The following GPC6 variants were observed in gnomAD, a reference collection of about 807,000 sequenced individuals.
GPC6 encodes glypican-6.
GPC6 carries 14 observed loss-of-function variants against 55.2 expected under a neutral mutation model. The ratio of observed to expected loss-of-function variants is 0.25; its 90% CI spans 0.17 to 0.40. The LOEUF is 0.40. Ranked by LOEUF, GPC6 falls within the 10% of genes least tolerant of loss-of-function variation. The pLI, the probability that GPC6 is intolerant of heterozygous loss-of-function variation, is 1.00. For synonymous variants in GPC6, 278 were observed against 259.6 expected, an observed-to-expected ratio of 1.07 and a Z score of -0.68; for missense variants, 641 against 708.5, an observed-to-expected ratio of 0.90 and a Z score of 1.08.
intron 3 of GPC6, among the ~76,000 whole-genome samples, chr13:94,001,048 CAGGCATATTACCT>C (rs1379043266): frequency 6.6e-6 from 1 of 152,166 alleles, no homozygotes; most frequent in African/African-American, 2.4e-5. Flanking sequence ...GGCCTTAAAA[CAGGCATATTACCT>C]AGCTTAAAAG....
intron 2 of GPC6, among the ~76,000 whole-genome samples, chr13:93,597,325 C>G (rs1877805145): frequency 6.6e-6 from 1 of 152,152 alleles, no homozygotes; most frequent in Admixed American, 6.5e-5. Flanking sequence ...TAGTGAATGC[C>G]ACAGATAAAA....
chr13:94,400,036 A>C (rs891470687), intron 8 of GPC6, among the ~76,000 whole-genome samples: 1 of 152,210 alleles, frequency 6.6e-6, no homozygotes, highest in South Asian at 2.1e-4. Context: ...CTCTGACCTA[A>C]AGAGGTTATG....
rs561893119 is a variant in GPC6 at position 94,139,370 on chromosome 13, C to G, written c.877+111476C>G. Reference sequence around the variant, plus strand: ...AACTACAAAGAACATACAGGCATAACTATAGTATTTGTCCTGTATTAATAT... The same window carrying G: ...AACTACAAAGAACATACAGGCATAAGTATAGTATTTGTCCTGTATTAATAT... On this transcript the variant is annotated intron_variant, in intron 4 of 8. Coordinates refer to ENST00000377047, the MANE Select transcript of GPC6 (RefSeq NM_005708.5). 7.2e-5 allele frequency among the ~76,000 whole-genome samples: 11 copies of G among 152,292 alleles called. No homozygotes were observed. The South Asian group carries it at 1.4e-3, about 20-fold the overall frequency.
At chr13:93,304,069 T>C (rs1878774322) in intron 1 of GPC6, among the ~76,000 whole-genome samples, 1 of 152,022 alleles carries the variant, frequency 6.6e-6, no homozygotes, top group African/African-American at 2.4e-5. Context: ...GATTTCACCA[T>C]GTTGGCCAGG....
intron 4 of GPC6, among the ~76,000 whole-genome samples, chr13:94,186,265 G>C (rs149599795): frequency 6.6e-6 from 1 of 151,982 alleles, no homozygotes; most frequent in Non-Finnish European, 1.5e-5. Flanking sequence ...GTTGGATTTC[G>C]GCATGATTTT....
chr13:93,678,424 C>T (rs1881726812), intron 2 of GPC6, among the ~76,000 whole-genome samples: 1 of 152,154 alleles, frequency 6.6e-6, no homozygotes, highest in South Asian at 2.1e-4. Context: ...ATTCCTAACA[C>T]ATTTTTAGTA....
chr13:93,346,028 G>C (rs1334926551), intron 1 of GPC6, among the ~76,000 whole-genome samples: 1 of 152,128 alleles, frequency 6.6e-6, no homozygotes, highest in Non-Finnish European at 1.5e-5. Context: ...ATTGAAAGCT[G>C]CTGGACTACT....
intron 2 of GPC6, among the ~76,000 whole-genome samples, chr13:93,750,876 GA>G (rs1233279612): frequency 1.3e-5 from 2 of 152,270 alleles, no homozygotes; most frequent in Admixed American, 6.5e-5. Context: ...AACAGAAGTT[GA>G]GCCTGTGGGA....
chr13:93,326,174 T>C (rs1355012536), intron 1 of GPC6, among the ~76,000 whole-genome samples: 1 of 152,058 alleles, frequency 6.6e-6, no homozygotes, highest in Non-Finnish European at 1.5e-5. Flanking sequence ...TAGATGACAT[T>C]GGGTTTTGGA....
intron 5 of GPC6, among the ~76,000 whole-genome samples, chr13:94,300,529 C>A (rs1875593472): frequency 1.3e-5 from 2 of 152,154 alleles, no homozygotes; most frequent in Non-Finnish European, 2.9e-5. Flanking sequence ...AGAATGCCAA[C>A]AGACTTCTGA....
intron 1 of GPC6, among the ~76,000 whole-genome samples, chr13:93,473,312 C>T (rs1473010265): frequency 6.6e-6 from 1 of 152,208 alleles, no homozygotes; most frequent in Non-Finnish European, 1.5e-5. Context: ...CTCTTTGGTG[C>T]CCAAAGTATG....
intron 3 of GPC6, among the ~76,000 whole-genome samples, chr13:94,007,283 A>C (rs780705217): frequency 1.6e-4 from 24 of 152,210 alleles, no homozygotes; most frequent in Non-Finnish European, 3.2e-4. Context: ...ACACATATTT[A>C]TTTATCCCTT....
At chr13:93,491,842 G>A (rs71429529) in intron 1 of GPC6, among the ~76,000 whole-genome samples, 5,286 of 91,322 alleles carry the variant, frequency 0.058, 232 homozygotes, top group Middle Eastern at 0.089. Context: ...GGTATGCGGC[G>A]TTATTTCTGA....
chr13:93,311,658 G>T (rs535487551), intron 1 of GPC6, among the ~76,000 whole-genome samples: 1 of 152,260 alleles, frequency 6.6e-6, no homozygotes, highest in Admixed American at 6.5e-5. Flanking sequence ...TAGAAACCTA[G>T]AGACATAGAT....
chr13:93,640,768 CCACTTTCCTTCCCTCCCTCCCTTCCT>C (rs1879890702), intron 2 of GPC6, among the ~76,000 whole-genome samples: 1 of 86,304 alleles, frequency 1.2e-5, no homozygotes, highest in African/African-American at 5.6e-5. Flanking sequence ...TCCCTCCTCC[CCACTTTCCTTCCCTCCCTCCCTTCCT>C]CCTTCCTTCC....
At chr13:93,631,946 T>C (rs1879460933) in intron 2 of GPC6, among the ~76,000 whole-genome samples, 1 of 152,202 alleles carries the variant, frequency 6.6e-6, no homozygotes, top group Admixed American at 6.5e-5. Flanking sequence ...TTCTCTATCA[T>C]GTTATACCTC....
intron 4 of GPC6, among the ~76,000 whole-genome samples, chr13:94,032,453 G>A (rs1306639360): frequency 6.6e-6 from 1 of 152,122 alleles, no homozygotes; most frequent in Non-Finnish European, 1.5e-5. Flanking sequence ...ATGTTAAATA[G>A]CCACAGCATA....
intron 7 of GPC6, among the ~76,000 whole-genome samples, chr13:94,385,386 T>C (rs1880357243): frequency 6.6e-6 from 1 of 152,180 alleles, no homozygotes; most frequent in African/African-American, 2.4e-5. Flanking sequence ...CCTGGATCAG[T>C]CCTCAGGAAA....
intron 3 of GPC6, among the ~76,000 whole-genome samples, chr13:93,895,449 T>C (rs1050964508): frequency 6.6e-6 from 1 of 151,644 alleles, no homozygotes; most frequent in African/African-American, 2.4e-5. Context: ...GTGGTTAGAC[T>C]AAATAACTCT....
Sources: gnomAD v4.1 joint callset for allele counts (sites outside exome capture counted in the v4.1 genomes callset) on GRCh38, gnomAD v4.1.1 for gene constraint, MANE v1.5 for transcripts, NCBI Gene and HGNC (gene_info 2026-07-23, HGNC 2026-07-21) for gene names.